The following GRID1 variants were observed in gnomAD, a reference collection of about 807,000 sequenced individuals.
GRID1 encodes the protein glutamate receptor ionotropic, delta-1.
Under a neutral mutation model 98.0 loss-of-function variants are expected in GRID1, and 28 were observed. That is an observed-to-expected ratio of 0.29 (90% CI 0.21 to 0.39). The LOEUF is 0.39. GRID1 is among the 10% of genes least tolerant of loss of function. GRID1 has a pLI of 1.00. For synonymous variants in GRID1, 553 were observed against 538.5 expected, an observed-to-expected ratio of 1.03 and a Z score of -0.37; for missense variants, 1,111 against 1,340.5, an observed-to-expected ratio of 0.83 and a Z score of 2.67.
rs549276810 is a variant in GRID1 at position 85,879,169 on chromosome 10, A to G, written c.781-9989T>C. On this transcript the variant is annotated intron_variant, in intron 5 of 15. Coordinates refer to ENST00000327946, the MANE Select transcript of GRID1 (RefSeq NM_017551.3). Reference sequence around the variant, plus strand: ...AGGCTTAGACTCCCACACAATAATAATGGGAGACTTTAACACCCCACTGTC... The same window carrying G: ...AGGCTTAGACTCCCACACAATAATAGTGGGAGACTTTAACACCCCACTGTC... Among the ~76,000 whole-genome samples the G allele has an allele frequency of 2.1e-4, 32 of 152,250 alleles. No individual in the cohort carries two copies. The South Asian group carries it at 5.8e-3, about 28-fold the overall frequency.
At chr10:85,846,231 T>G (rs1843003742) in intron 8 of GRID1, among the ~76,000 whole-genome samples, 1 of 152,190 alleles carries the variant, frequency 6.6e-6, no homozygotes, top group Admixed American at 6.5e-5. Flanking sequence ...ATAAAAAGTT[T>G]TTTAAAATAG....
intron 12 of GRID1, among the ~76,000 whole-genome samples, chr10:85,685,040 A>G (rs1432782266): frequency 1.3e-5 from 2 of 152,216 alleles, no homozygotes; most frequent in African/African-American, 2.4e-5. Context: ...GATGTAATTC[A>G]GTCTACAGCA....
intron 5 of GRID1, among the ~76,000 whole-genome samples, chr10:85,892,400 C>T (rs865874945): frequency 9.2e-5 from 14 of 151,514 alleles, no homozygotes; most frequent in African/African-American, 2.2e-4. Flanking sequence ...CATAATTAAG[C>T]ACATAACCAA....
intron 5 of GRID1, among the ~76,000 whole-genome samples, chr10:85,891,540 A>T (rs1841200361): frequency 6.6e-6 from 1 of 152,196 alleles, no homozygotes; most frequent in Non-Finnish European, 1.5e-5. Flanking sequence ...AAATATATGC[A>T]ACAAGTTTTC....
chr10:86,230,489 A>G (rs1436212132), intron 2 of GRID1, among the ~76,000 whole-genome samples: 4 of 152,154 alleles, frequency 2.6e-5, no homozygotes, highest in Admixed American at 2.0e-4. Flanking sequence ...CAGAGCTCAA[A>G]CGGCTTCTCC....
chr10:86,254,238 C>G (rs971974928), intron 2 of GRID1, among the ~76,000 whole-genome samples: 6 of 151,998 alleles, frequency 3.9e-5, no homozygotes, highest in Non-Finnish European at 5.9e-5. Context: ...GTCCTCACCA[C>G]CTGTGAGTGC....
At chr10:85,677,519 C>T (rs1162159090) in intron 12 of GRID1, among the ~76,000 whole-genome samples, 1 of 152,196 alleles carries the variant, frequency 6.6e-6, no homozygotes, top group East Asian at 1.9e-4. Flanking sequence ...CTCTATTAAC[C>T]TTTTCAACAG....
chr10:85,613,261 C>A, intron 15 of GRID1, 146 bp downstream of exon 15: 1 of 779,620 alleles, frequency 1.3e-6, no homozygotes, highest in Non-Finnish European at 2.0e-6. Flanking sequence ...AAAACAATAA[C>A]AAAATCCCCC....
At chr10:85,728,290 G>A (rs144237223) in intron 9 of GRID1, among the ~76,000 whole-genome samples, 134 of 152,240 alleles carry the variant, frequency 8.8e-4, no homozygotes, top group African/African-American at 2.9e-3. Context: ...CATTTGTCCC[G>A]TGTCATCCCA....
At chr10:86,227,019 G>A (rs1846361915) in intron 2 of GRID1, among the ~76,000 whole-genome samples, 1 of 152,216 alleles carries the variant, frequency 6.6e-6, no homozygotes, top group Non-Finnish European at 1.5e-5. Context: ...TACCAGAGGA[G>A]CCACCCTGAG....
rs550199225 is a variant in GRID1 at position 85,916,117 on chromosome 10, C to T, written c.780+69G>A. On this transcript the variant is annotated intron_variant, in intron 5 of 15. Coordinates refer to ENST00000327946, the MANE Select transcript of GRID1 (RefSeq NM_017551.3). This position sits in a 1 kb window ranked among gnomAD's most constrained non-coding sequence, Gnocchi z 4.0. ...AAGTCAGAATTGAACTGAAAAGAAT[C>T]ACACTGAGCTTTACAAGGGGCTAGG... 2.5e-6 allele frequency: 3 copies of T among 1,179,554 alleles called. No individual in the cohort carries two copies. The highest frequency in any genetic ancestry group is 4.7e-5 in the East Asian group (2 of 42,758). The allele number at this position is 1,179,554 out of a possible 1,614,324, so 73.1% of individuals were successfully genotyped here.
At chr10:86,240,393 C>A (rs978533639) in intron 2 of GRID1, among the ~76,000 whole-genome samples, 7 of 152,160 alleles carry the variant, frequency 4.6e-5, no homozygotes, top group Non-Finnish European at 7.3e-5. Context: ...CTCACAGGGG[C>A]ATTCTGGGAC....
chr10:85,792,575 G>C (rs1007399571), intron 8 of GRID1, among the ~76,000 whole-genome samples: 45 of 152,168 alleles, frequency 3.0e-4, no homozygotes, highest in Admixed American at 2.4e-3. Context: ...AGGTGCCGAA[G>C]GCCTCAGGAT....
chr10:86,068,647 G>A (rs776773100), intron 4 of GRID1, among the ~76,000 whole-genome samples: 7 of 152,132 alleles, frequency 4.6e-5, no homozygotes, highest in Admixed American at 6.5e-5. Flanking sequence ...TGCCAGCGAC[G>A]GTGCCTCAGA....
chr10:86,131,467 A>G (rs912177193), intron 4 of GRID1, among the ~76,000 whole-genome samples: 4 of 152,286 alleles, frequency 2.6e-5, no homozygotes, highest in South Asian at 2.1e-4. Flanking sequence ...CTGCTCCGCT[A>G]TTTAATGACC....
chr10:86,342,618 A>C (rs1406337101), intron 2 of GRID1, among the ~76,000 whole-genome samples: 2 of 152,290 alleles, frequency 1.3e-5, no homozygotes, highest in East Asian at 3.9e-4. Context: ...GGCCTGAGGG[A>C]CATCCAGAGA....
chr10:85,761,239 T>C lies in GRID1; in HGVS notation c.1234-31625A>G, dbSNP rs927965937. On this transcript the variant is annotated intron_variant, in intron 8 of 15. Transcript: ENST00000327946. ...AAGAAGCTAACCAGTTAGCTCCTGG[T>C]CATATATCAAGTGTCATGTGTTAAA... 7.2e-5 allele frequency among the ~76,000 whole-genome samples: 11 copies of C among 152,308 alleles called. 1 individual carries two copies. The highest frequency in any genetic ancestry group is 2.6e-4 in the African/African-American group (11 of 41,568).
chr10:86,292,209 G>A (rs527285085), intron 2 of GRID1, among the ~76,000 whole-genome samples: 16 of 152,362 alleles, frequency 1.1e-4, no homozygotes, highest in South Asian at 2.1e-4. Context: ...CCACAAGGGC[G>A]CCACCTCTAG....
chr10:85,955,286 G>A (rs1036477040), intron 4 of GRID1, among the ~76,000 whole-genome samples: 6 of 152,154 alleles, frequency 3.9e-5, no homozygotes, highest in Admixed American at 2.0e-4. Flanking sequence ...TCAAGATGGC[G>A]AACCTGTAGC....
Sources: gnomAD v4.1 joint callset for allele counts (sites outside exome capture counted in the v4.1 genomes callset) on GRCh38, gnomAD v4.1.1 for gene constraint, Gnocchi (gnomAD v3.1) non-coding constraint, MANE v1.5 for transcripts, NCBI Gene and HGNC (gene_info 2026-07-23, HGNC 2026-07-21) for gene names.